Variants in PLCL2 observed in about 807,000 individuals in gnomAD.
PLCL2 encodes phospholipase C like 2.
Under a neutral mutation model 79.6 loss-of-function variants are expected in PLCL2, and 4 were observed. The observed-to-expected ratio is 0.05, with a 90% CI of 0.02 to 0.11. PLCL2 has a LOEUF of 0.11. PLCL2 is among the 10% of genes least tolerant of loss of function. The pLI is 1.00. For synonymous variants in PLCL2, 484 were observed against 457.7 expected (o/e 1.06, Z -0.73); for missense variants, 895 against 1,291.0 (o/e 0.69, Z 4.70).
intron 3 of PLCL2, among the ~76,000 whole-genome samples, chr3:17,037,595 G>C (rs2064671546): frequency 6.6e-6 from 1 of 152,116 alleles, no homozygotes; most frequent in Non-Finnish European, 1.5e-5. Flanking sequence ...GACAGGCAAA[G>C]AAAGCAGTTT....
At chr3:17,015,559 C>T (rs970843551) in intron 3 of PLCL2, among the ~76,000 whole-genome samples, 2 of 152,170 alleles carry the variant, frequency 1.3e-5, no homozygotes, top group East Asian at 1.9e-4. Context: ...GGGTGAAGGA[C>T]ACCCATTTCA....
At chr3:17,070,172 T>G (rs1468108756) in intron 5 of PLCL2, among the ~76,000 whole-genome samples, 1 of 152,182 alleles carries the variant, frequency 6.6e-6, no homozygotes, top group African/African-American at 2.4e-5. Context: ...GGGGAACTTG[T>G]TAGAAATTCA....
chr3:16,929,296 T>G (rs1398557041), intron 1 of PLCL2, among the ~76,000 whole-genome samples: 1 of 152,054 alleles, frequency 6.6e-6, no homozygotes, highest in East Asian at 1.9e-4. Context: ...ATTTGTAGGT[T>G]CCTGAAAATG....
At chr3:16,905,321 C>G (rs1326939456) in intron 1 of PLCL2, among the ~76,000 whole-genome samples, 1 of 152,174 alleles carries the variant, frequency 6.6e-6, no homozygotes, top group Non-Finnish European at 1.5e-5. Context: ...CCACTCAGTA[C>G]TACCTCTCTG....
rs1696254006 is a variant in PLCL2, at chr3:16,887,601, A to G, written c.327+2235A>G. Among the ~76,000 whole-genome samples the G allele has an allele frequency of 6.6e-6, 1 of 152,222 alleles. No individual in the cohort carries two copies. The highest frequency in any genetic ancestry group is 2.4e-5 in the African/African-American group (1 of 41,444). On this transcript the variant is annotated intron_variant, in intron 1 of 5. Transcript: ENST00000615277. This position sits in a 1 kb window ranked among gnomAD's most constrained non-coding sequence, Gnocchi z 4.1. ...ATATTTAAATAGGTAACTACTTGGT[A>G]TATTTCCCTTTGAATTGGTGCCTTG...
chr3:16,992,772 C>T (rs1374476122), intron 1 of PLCL2, among the ~76,000 whole-genome samples: 1 of 152,206 alleles, frequency 6.6e-6, no homozygotes, highest in Non-Finnish European at 1.5e-5. Context: ...GATTAAGGAT[C>T]CATGCCCATG....
rs139201753 is a variant in PLCL2, at chr3:17,000,150, C to T, written c.328-9524C>T. ...TTAGAGATGCCTTTGTCTTTGAAAG[C>T]ACAGGTGAATTTAGGGACTACAGTC... On this transcript the variant is annotated intron_variant, in intron 1 of 5. Transcript: ENST00000615277. Among the ~76,000 whole-genome samples, 13 of 152,222 alleles carry T rather than the reference C, an allele frequency of 8.5e-5. No individual in the cohort carries two copies. The East Asian group carries it at 2.5e-3, about 29-fold the overall frequency.
Position 16,944,834 on chromosome 3 carries a change from A to G in PLCL2, c.327+59468A>G, listed in dbSNP as rs9877727. Among the ~76,000 whole-genome samples the G allele has an allele frequency of 2.3e-3, 347 of 151,126 alleles. 2 individuals carry two copies. Among genetic ancestry groups the G allele is most frequent in the African/African-American group, 7.9e-3 (325 of 41,096 alleles). ...GAGTGCAGTGGCGTGATCTTGGGTC[A>G]CTGGAACCTCCACCTCCTGGGTTCA... On this transcript the variant is annotated intron_variant, in intron 1 of 5. Transcript: ENST00000615277.
At chr3:17,006,179 C>A (rs2064258774) in intron 1 of PLCL2, among the ~76,000 whole-genome samples, 1 of 152,210 alleles carries the variant, frequency 6.6e-6, no homozygotes, top group Non-Finnish European at 1.5e-5. Context: ...TAGATCCCAG[C>A]TCTCTGCTTC....
intron 5 of PLCL2, among the ~76,000 whole-genome samples, chr3:17,070,665 C>G (rs891734025): frequency 1.3e-5 from 2 of 152,034 alleles, no homozygotes; most frequent in Admixed American, 6.6e-5. Context: ...GACAGGGAAT[C>G]TTGAACGTGA....
At position 17,020,411 on chromosome 3, in the gene PLCL2, A is replaced by G. The variant is rs1488270269; in HGVS notation, c.3018+5500A>G. Among the ~76,000 whole-genome samples the G allele has an allele frequency of 3.3e-5, 5 of 152,202 alleles. No individual in the cohort carries two copies. The East Asian group carries it at 9.6e-4, about 29-fold the overall frequency. ...GAAAAAAATAAAGAAAATGAAGCCC[A>G]TCTCTCTCTTACAGGCAGTACGGTG... On this transcript the variant is annotated intron_variant, in intron 3 of 5. Coordinates refer to ENST00000615277, the MANE Select transcript of PLCL2 (RefSeq NM_001144382.2).
chr3:17,089,185 G>A (rs747669661), intron 5 of PLCL2, among the ~76,000 whole-genome samples: 1 of 152,094 alleles, frequency 6.6e-6, no homozygotes, highest in Admixed American at 6.6e-5. Context: ...CGGTGGTTAC[G>A]TGAACCCACA....
intron 1 of PLCL2, among the ~76,000 whole-genome samples, chr3:16,905,514 G>A (rs1442248560): frequency 6.6e-6 from 1 of 152,068 alleles, no homozygotes; most frequent in Non-Finnish European, 1.5e-5. Flanking sequence ...TTGGAAAGCA[G>A]CCAGTTGATT....
intron 1 of PLCL2, among the ~76,000 whole-genome samples, chr3:16,965,538 T>G (rs1019470129): frequency 1.3e-5 from 2 of 151,832 alleles, no homozygotes; most frequent in Admixed American, 1.3e-4. Context: ...TTTAAAGTAG[T>G]TTTTTCCAAT....
chr3:16,974,681 C>A lies in PLCL2; in HGVS notation c.328-34993C>A, dbSNP rs546415378. Among the ~76,000 whole-genome samples the A allele has an allele frequency of 4.6e-5, 7 of 152,304 alleles. No individual in the cohort carries two copies. The South Asian group carries it at 1.5e-3, about 32-fold the overall frequency. On this transcript the variant is annotated intron_variant, in intron 1 of 5. Transcript: ENST00000615277. ...CTCTCCTGCCTGGGTCTTCACAGCA[C>A]TTTGTATGTCTCTTGCTGCCACCAT...
rs542414371 is a variant in PLCL2, at chr3:16,965,362, T to G, written c.328-44312T>G. ...GTGGTATTATTTCTGAGGGCTCTGT[T>G]CTGTTCCATTGGTCTATATGTCTGT... On this transcript the variant is annotated intron_variant, in intron 1 of 5. Coordinates refer to ENST00000615277, the MANE Select transcript of PLCL2 (RefSeq NM_001144382.2). 6.6e-3 allele frequency among the ~76,000 whole-genome samples: 1,004 copies of G among 152,294 alleles called. 7 individuals are homozygous for G. Among genetic ancestry groups the G allele is most frequent in the Non-Finnish European group, 9.0e-3 (614 of 68,014 alleles).
In PLCL2 at chr3:17,089,829, G is replaced by A; in HGVS notation, c.3301G>A (p.Gly1101Ser). ...AAVSCGLNKP[G>S]TENADVQKPR... is the part of the protein sequence containing the mutation. ...TGTTTCATGTGGACTGAATAAACCA[G>A]GCACCGAAAATGCTGATGTCCAGAA... is the stretch of plus-strand genomic sequence containing the variant. The change falls in exon 6 of 6, where the codon GGC becomes AGC. Residue 1101 changes from glycine (G) to serine (S), a missense_variant. Gly to Ser is a moderately conservative substitution (Grantham distance 56). This residue lies in a region of PLCL2 where 298 missense variants were observed against 459.6 expected (regional missense o/e 0.65). Transcript: ENST00000615277. The A allele has an allele frequency of 6.2e-7, 1 of 1,614,062 alleles. No homozygotes were observed. Among genetic ancestry groups the A allele is most frequent in the South Asian group, 1.1e-5 (1 of 91,068 alleles).
intron 5 of PLCL2, among the ~76,000 whole-genome samples, chr3:17,087,027 G>A (rs937682662): frequency 7.2e-5 from 11 of 152,172 alleles, no homozygotes; most frequent in Admixed American, 1.3e-4. Flanking sequence ...TGAAACAACA[G>A]GAACTTTCAT....
intron 2 of PLCL2, among the ~76,000 whole-genome samples, 162 bp downstream of exon 2, chr3:17,012,322 C>T (rs2064334985): frequency 6.6e-6 from 1 of 152,182 alleles, no homozygotes. Flanking sequence ...TATCATTTAA[C>T]TTCCTAAAGG....
Sources: allele counts gnomAD v4.1 joint callset (sites outside exome capture counted in the v4.1 genomes callset), GRCh38; gene constraint gnomAD v4.1.1; regional missense constraint gnomAD v4.1.1; non-coding constraint Gnocchi (gnomAD v3.1); transcripts MANE v1.5; gene names NCBI Gene and HGNC (gene_info 2026-07-23, HGNC 2026-07-21).